Variants in XXYLT1 observed in about 807,000 individuals in gnomAD.
XXYLT1 encodes the protein xyloside xylosyltransferase 1, also known as UDP-xylose:alpha-xyloside alpha-1,3-xylosyltransferase.
A neutral mutation model predicts 28.9 loss-of-function variants in XXYLT1; 20 were observed. The ratio of observed to expected loss-of-function variants is 0.69; its 90% CI spans 0.49 to 1.00. XXYLT1 has a LOEUF of 1.00. XXYLT1 is among the 50% of genes least tolerant of loss of function. The pLI, the probability that XXYLT1 is intolerant of heterozygous loss-of-function variation, is 0.00. For missense variants in XXYLT1, 542 were observed against 560.1 expected (o/e 0.97, Z 0.33); for synonymous variants, 257 against 253.8 (o/e 1.01, Z -0.12).
intron 1 of XXYLT1, among the ~76,000 whole-genome samples, chr3:195,242,665 G>T (rs1273352059): frequency 1.3e-5 from 2 of 152,158 alleles, no homozygotes; most frequent in African/African-American, 4.8e-5. Flanking sequence ...GGTCTGATCT[G>T]CATAGGGCCC....
At chr3:195,120,039 G>C (rs1205381945) in intron 3 of XXYLT1, among the ~76,000 whole-genome samples, 7 of 152,298 alleles carry the variant, frequency 4.6e-5, no homozygotes, top group African/African-American at 1.7e-4. Context: ...CTGTCTCTAG[G>C]ATCAGATTCC....
At chr3:195,186,759 T>C (rs1722213275) in intron 2 of XXYLT1, among the ~76,000 whole-genome samples, 3 of 152,090 alleles carry the variant, frequency 2.0e-5, no homozygotes, top group Non-Finnish European at 4.4e-5. Context: ...CCATCTGTTT[T>C]TCTAACCCCC....
At chr3:195,217,809 A>G (rs1413237398) in intron 2 of XXYLT1, among the ~76,000 whole-genome samples, 1 of 148,786 alleles carries the variant, frequency 6.7e-6, no homozygotes, top group Non-Finnish European at 1.5e-5. Flanking sequence ...ATTGGAAAAA[A>G]CTACTTTAAA....
At position 195,103,423 on chromosome 3, in the gene XXYLT1, G is replaced by A. The variant is rs111661096; in HGVS notation, c.786-33312C>T. On this transcript the variant is annotated intron_variant, in intron 3 of 3. Transcript: ENST00000310380. ...CTGCGTCCATCACCCCACGCCAGCG[G>A]CCTGCGTCCATCACCCCACACCAGC... Among the ~76,000 whole-genome samples the A allele has an allele frequency of 4.1e-3, 600 of 146,834 alleles. 6 individuals carry two copies. Among genetic ancestry groups the A allele is most frequent in the African/African-American group, 0.015 (571 of 38,074 alleles).
At chr3:195,194,191 T>A (rs1027285009) in intron 2 of XXYLT1, among the ~76,000 whole-genome samples, 1 of 151,512 alleles carries the variant, frequency 6.6e-6, no homozygotes, top group African/African-American at 2.4e-5. Flanking sequence ...ATATAAGGAA[T>A]GCTTGCAACT....
chr3:195,112,514 CCA>C (rs367884630), intron 3 of XXYLT1, among the ~76,000 whole-genome samples: 749 of 43,582 alleles, frequency 0.017, 5 homozygotes, highest in African/African-American at 0.034. Context: ...CCACACACAC[CCA>C]CACACACACA....
At chr3:195,249,482 ACATGT>A (rs1256155997) in intron 1 of XXYLT1, among the ~76,000 whole-genome samples, 1 of 152,226 alleles carries the variant, frequency 6.6e-6, no homozygotes, top group African/African-American at 2.4e-5. Flanking sequence ...AAGAAAGGAA[ACATGT>A]CAGGCAGCAA....
intron 2 of XXYLT1, among the ~76,000 whole-genome samples, chr3:195,201,805 T>C (rs951806891): frequency 2.0e-5 from 3 of 152,186 alleles, no homozygotes; most frequent in African/African-American, 4.8e-5. Flanking sequence ...GGTATTATGA[T>C]TAATTCCAAG....
At chr3:195,120,518 C>T (rs1718302589) in intron 3 of XXYLT1, among the ~76,000 whole-genome samples, 1 of 152,200 alleles carries the variant, frequency 6.6e-6, no homozygotes, top group African/African-American at 2.4e-5. Flanking sequence ...GCATTGAGCA[C>T]AGTGCCTGGC....
chr3:195,167,424 C>T (rs1476554474), intron 2 of XXYLT1, among the ~76,000 whole-genome samples: 1 of 152,140 alleles, frequency 6.6e-6, no homozygotes, highest in South Asian at 2.1e-4. Flanking sequence ...AACCCCATCT[C>T]TACTAAAAAT....
intron 1 of XXYLT1, among the ~76,000 whole-genome samples, chr3:195,263,235 C>T (rs1004659796): frequency 2.0e-5 from 3 of 152,242 alleles, no homozygotes; most frequent in African/African-American, 7.2e-5. Flanking sequence ...TGCATTTTAA[C>T]ATTTGTCCAG....
In XXYLT1 at chr3:195,210,253, TCAGGA is replaced by T. The variant is rs1006580949; in HGVS notation, c.652+16451_652+16455del. Among the ~76,000 whole-genome samples the T allele has an allele frequency of 8.5e-5, 13 of 152,100 alleles. No individual in the cohort carries two copies. Among genetic ancestry groups the T allele is most frequent in the African/African-American group, 2.4e-4 (10 of 41,416 alleles). ...AAACAACCCCCACACCCCGCTGAAG[TCAGGA>T]CAGGACAGGACGCTGCTCTGCTGAC... On this transcript the variant is annotated intron_variant, in intron 2 of 3. Transcript: ENST00000310380. This position sits in a 1 kb window ranked among gnomAD's most constrained non-coding sequence, Gnocchi z 4.8.
intron 2 of XXYLT1, among the ~76,000 whole-genome samples, chr3:195,187,170 G>A (rs1176210874): frequency 2.6e-5 from 4 of 151,170 alleles, no homozygotes; most frequent in Non-Finnish European, 5.9e-5. Flanking sequence ...CCCGGGAGAC[G>A]GAGCTTGCAG....
intron 3 of XXYLT1, chr3:195,096,103 C>A (rs1716427486): frequency 6.6e-6 from 1 of 152,338 alleles, no homozygotes; most frequent in Non-Finnish European, 1.5e-5. Flanking sequence ...TGGACACCCA[C>A]CCAGCCTTCT....
In XXYLT1 at chr3:195,180,639, G is replaced by C. The variant is rs957638175; in HGVS notation, c.653-24058C>G. 52 of 762,642 alleles carry C rather than the reference G, an allele frequency of 6.8e-5. No homozygotes were observed. Among genetic ancestry groups the C allele is most frequent in the Non-Finnish European group, 2.6e-5 (16 of 626,752 alleles). 47.2% of individuals were successfully genotyped at this position (762,642 alleles called of 1,614,324 possible). A position where few individuals can be genotyped will look rare whatever the true frequency, so the allele number is the denominator to read the frequency against. ...CTAAGAGCACCAGACGGCGGTGGCTGGAGCACCCCGTGCCACTGCAAACGT... is the reference window on the plus strand; with the variant it reads ...CTAAGAGCACCAGACGGCGGTGGCTCGAGCACCCCGTGCCACTGCAAACGT... On this transcript the variant is annotated intron_variant, in intron 2 of 3. Transcript: ENST00000310380. The surrounding 1 kb of genome is among the most constrained non-coding windows in gnomAD (Gnocchi z 5.8).
At chr3:195,229,199 T>C (rs1724196365) in intron 1 of XXYLT1, among the ~76,000 whole-genome samples, 1 of 152,210 alleles carries the variant, frequency 6.6e-6, no homozygotes. Context: ...TTGGGTCTCT[T>C]TTAATTTCTA....
chr3:195,270,418 G>T, intron 1 of XXYLT1, 137 bp downstream of exon 1: 1 of 1,341,836 alleles, frequency 7.5e-7, no homozygotes, highest in Non-Finnish European at 9.5e-7. Flanking sequence ...CGCAGGTTGT[G>T]AACACTACAT....
At chr3:195,184,407 C>T (rs1399545158) in intron 2 of XXYLT1, among the ~76,000 whole-genome samples, 1 of 152,200 alleles carries the variant, frequency 6.6e-6, no homozygotes, top group Non-Finnish European at 1.5e-5. Flanking sequence ...TAGATCATAA[C>T]AAAGGGCTAA....
chr3:195,254,761 T>A (rs1175419021), intron 1 of XXYLT1, among the ~76,000 whole-genome samples: 1 of 152,142 alleles, frequency 6.6e-6, no homozygotes, highest in Non-Finnish European at 1.5e-5. Context: ...TGCCTAAGGG[T>A]CCACCTAGCA....
Sources: gnomAD v4.1 joint callset for allele counts (sites outside exome capture counted in the v4.1 genomes callset) on GRCh38, gnomAD v4.1.1 for gene constraint, Gnocchi (gnomAD v3.1) non-coding constraint, MANE v1.5 for transcripts, NCBI Gene and HGNC (gene_info 2026-07-23, HGNC 2026-07-21) for gene names.